The following TUT4 variants were observed in gnomAD, a reference collection of about 807,000 sequenced individuals.
The protein encoded by TUT4 is terminal uridylyltransferase 4.
In TUT4, 36 loss-of-function variants were observed where a neutral mutation model predicts 192.2. The observed-to-expected ratio is 0.19, with a 90% CI of 0.14 to 0.25. The LOEUF (loss-of-function observed/expected upper bound fraction) is 0.25. Among genes scored for constraint, TUT4 ranks in the 10% least tolerant of loss-of-function variants. The probability of loss-of-function intolerance (pLI) is 1.00; values close to 1 mark genes in which losing one functional copy is unlikely to be tolerated. For missense variants in TUT4, 1,493 were observed against 1,957.2 expected (o/e 0.76, Z 4.47); for synonymous variants, 618 against 666.0 (o/e 0.93, Z 1.11).
Position 52,472,099 on chromosome 1 carries a change from G to T in TUT4, c.2731C>A (p.Pro911Thr), listed in dbSNP as rs1665922494. ...DKFILTSGKP[P>T]TIVCSICKKD... ...TTGCAGATGCTGCATACTATCGTTG[G>T]TGGCTACACAAAGATAAAAAGAAAT... The change falls in exon 14 of 30, where the codon CCA becomes ACA. Residue 911 changes from proline to threonine, a missense_variant. By Grantham distance (38) the Pro-to-Thr change is conservative. Transcript: ENST00000257177. 6.2e-7 allele frequency: 1 copy of T among 1,612,450 alleles called. No individual in the cohort carries two copies.
chr1:52,463,224 T>C, intron 16 of TUT4: 1 of 986,022 alleles, frequency 1.0e-6, no homozygotes, highest in Non-Finnish European at 1.2e-6. Flanking sequence ...ATAGAAGATA[T>C]CTAAAACTCT....
chr1:52,461,845 T>C, intron 16 of TUT4, 76 bp from the exon 17 acceptor site: 1 of 842,044 alleles, frequency 1.2e-6, no homozygotes. Flanking sequence ...AAGCATTTAA[T>C]AGTAGCATTT....
intron 11 of TUT4, among the ~76,000 whole-genome samples, chr1:52,479,513 T>C (rs2148941900): frequency 6.6e-6 from 1 of 152,180 alleles, no homozygotes; most frequent in East Asian, 1.9e-4. Flanking sequence ...CAGGATTTCC[T>C]GACAAGACTT....
chr1:52,442,531 G>A (rs1248427502), intron 24 of TUT4, among the ~76,000 whole-genome samples: 2 of 152,086 alleles, frequency 1.3e-5, no homozygotes, highest in Non-Finnish European at 2.9e-5. Flanking sequence ...GAAGTGTTTT[G>A]GATTTTGGAA....
chr1:52,439,800 C>G (rs1208524206), intron 24 of TUT4, among the ~76,000 whole-genome samples: 1 of 152,154 alleles, frequency 6.6e-6, no homozygotes, highest in Non-Finnish European at 1.5e-5. Flanking sequence ...AAAACATATT[C>G]TCACAAAAAT....
chr1:52,515,997 T>C lies in TUT4; in HGVS notation c.776A>G (p.Glu259Gly). Residue 259 changes from glutamate (E) to glycine (G), a missense_variant, in exon 3 of 30, where the codon GAA becomes GGA. Physicochemically the swap from Glu to Gly is moderately conservative, Grantham distance 98. Coordinates refer to ENST00000257177, the MANE Select transcript of TUT4 (RefSeq NM_001009881.3). ...KENSSEMDYLENATVIDESAL... is the reference protein window; with the variant it reads ...KENSSEMDYLGNATVIDESAL... ...AGATTCATCTATCACAGTGGCATTT[T>C]CTAAGTAGTCCATCTCTGAAGAATT... The C allele has an allele frequency of 2.5e-6, 4 of 1,613,674 alleles. No individual in the cohort carries two copies. Among genetic ancestry groups the C allele is most frequent in the Non-Finnish European group, 1.7e-6 (2 of 1,179,862 alleles).
intron 2 of TUT4, among the ~76,000 whole-genome samples, chr1:52,524,929 C>T (rs1681317224): frequency 6.6e-6 from 1 of 152,184 alleles, no homozygotes; most frequent in Non-Finnish European, 1.5e-5. Flanking sequence ...CATCTTTTGC[C>T]GTTCTCAACC....
At position 52,423,842 on chromosome 1, in the gene TUT4, T is replaced by C. The variant is rs1216005334; in HGVS notation, c.*93A>G. On this transcript the variant is annotated 3_prime_UTR_variant, in exon 30 of 30. Coordinates refer to ENST00000257177, the MANE Select transcript of TUT4 (RefSeq NM_001009881.3). ...ATTAAATGTCACTTTTTCTGCTGAATGTAACTGACATTGAGGTACGGATAC... is the reference window on the plus strand; with the variant it reads ...ATTAAATGTCACTTTTTCTGCTGAACGTAACTGACATTGAGGTACGGATAC... 6.4e-7 allele frequency: 1 copy of C among 1,561,856 alleles called. No individual in the cohort carries two copies.
chr1:52,488,022 C>T (rs1274722759), intron 9 of TUT4, among the ~76,000 whole-genome samples: 1 of 152,040 alleles, frequency 6.6e-6, no homozygotes, highest in Non-Finnish European at 1.5e-5. Flanking sequence ...TAAGAACATT[C>T]TAGATGAAGG....
At chr1:52,476,345 C>T (rs1373988726) in intron 12 of TUT4, among the ~76,000 whole-genome samples, 2 of 152,192 alleles carry the variant, frequency 1.3e-5, no homozygotes, top group Admixed American at 1.3e-4. Flanking sequence ...AATATTTAAA[C>T]TTTGATCCAG....
intron 1 of TUT4, among the ~76,000 whole-genome samples, chr1:52,531,568 T>C (rs835036): frequency 0.31 from 46,661 of 152,038 alleles, 9,167 homozygotes; most frequent in East Asian, 0.72. Flanking sequence ...TAATACAAAG[T>C]AGGCACCCAA....
At chr1:52,487,564 C>A (rs1670122628) in intron 9 of TUT4, among the ~76,000 whole-genome samples, 1 of 151,984 alleles carries the variant, frequency 6.6e-6, no homozygotes, top group Non-Finnish European at 1.5e-5. Flanking sequence ...GAAGTAGTCA[C>A]CCTCCCTCAA....
At chr1:52,513,825 C>T (rs1009233933) in intron 3 of TUT4, among the ~76,000 whole-genome samples, 2 of 152,046 alleles carry the variant, frequency 1.3e-5, no homozygotes, top group Non-Finnish European at 2.9e-5. Context: ...TTTTTTAAAA[C>T]GTCAGGTACT....
rs12127732 is a variant in TUT4, at chr1:52,475,173, C to T, written c.2386G>A (p.Asp796Asn). The change falls in exon 13 of 30, where the codon GAC becomes AAC. Residue 796 changes from aspartate to asparagine, a missense_variant. Physicochemically the swap from Asp to Asn is conservative, Grantham distance 23. Transcript: ENST00000257177. ...NELDFADHGQ[D>N]SSSLSTSKSS... ...TTGCTGGTAGAAAGAGATGAAGAGTCCTGTCCGTGGTCAGCAAAATCTAGT... is the reference window on the plus strand; with the variant it reads ...TTGCTGGTAGAAAGAGATGAAGAGTTCTGTCCGTGGTCAGCAAAATCTAGT... 9 of 1,614,060 alleles carry T rather than the reference C, an allele frequency of 5.6e-6. No individual in the cohort carries two copies. In the East Asian group the frequency reaches 6.7e-5, roughly 12 times the overall value.
At chr1:52,489,129 T>C (rs2149062204) in intron 8 of TUT4, 94 bp from the exon 9 acceptor site, 1 of 1,327,018 alleles carries the variant, frequency 7.5e-7, no homozygotes, top group South Asian at 1.8e-5. Flanking sequence ...AGTTATCATA[T>C]TGTAACATAG....
At chr1:52,462,794 A>G (rs1255748848) in intron 16 of TUT4, 1 of 985,112 alleles carries the variant, frequency 1.0e-6, no homozygotes, top group Non-Finnish European at 1.2e-6. Context: ...TTACTCTTGT[A>G]AAAACCAGAG....
At chr1:52,470,321 T>C (rs1665388440) in intron 14 of TUT4, among the ~76,000 whole-genome samples, 1 of 152,098 alleles carries the variant, frequency 6.6e-6, no homozygotes, top group Non-Finnish European at 1.5e-5. Flanking sequence ...AGGCATCAAA[T>C]ATCTATGAGC....
intron 21 of TUT4, 45 bp downstream of exon 21, chr1:52,446,545 T>C: frequency 6.5e-7 from 1 of 1,546,994 alleles, no homozygotes; most frequent in South Asian, 1.2e-5. Flanking sequence ...GATGCTAACA[T>C]ATATCAGTGA....
Position 52,495,482 on chromosome 1 carries a change from G to C in TUT4, c.1211C>G (p.Thr404Ser). 6.2e-7 allele frequency: 1 copy of C among 1,610,800 alleles called. No individual in the cohort carries two copies. The highest frequency in any genetic ancestry group is 8.5e-7 in the Non-Finnish European group (1 of 1,178,164). The change falls in exon 6 of 30, where the codon ACT (threonine) becomes AGT (serine). Residue 404 changes from threonine to serine, a missense_variant. This residue lies in a region of TUT4 where 437 missense variants were observed against 577.6 expected (regional missense o/e 0.76). Transcript: ENST00000257177. Reference protein sequence around the residue: ...CSLRLYGSSLTRFALKSSDVN... With the variant: ...CSLRLYGSSLSRFALKSSDVN... ...ATCACTACTTTTCAGAGCAAATCTA[G>C]TCAGAGATGAGCCATACAACCTAAG...
Sources: allele counts gnomAD v4.1 joint callset (sites outside exome capture counted in the v4.1 genomes callset), GRCh38; gene constraint gnomAD v4.1.1; regional missense constraint gnomAD v4.1.1; transcripts MANE v1.5; gene names NCBI Gene and HGNC (gene_info 2026-07-23, HGNC 2026-07-21).